SIAH3: variants seen among roughly 807,000 people sequenced by gnomAD.
SIAH3 encodes the protein seven in absentia homolog 3.
Under a neutral mutation model 12.6 loss-of-function variants are expected in SIAH3, and 9 were observed. The ratio of observed to expected loss-of-function variants is 0.72; its 90% CI spans 0.43 to 1.25. The LOEUF (loss-of-function observed/expected upper bound fraction) is 1.25, where lower values mean the gene tolerates loss of function less well. SIAH3 is among the 50% of genes most tolerant of loss of function. The probability of loss-of-function intolerance (pLI) is 0.00; values close to 1 mark genes in which losing one functional copy is unlikely to be tolerated. For missense variants in SIAH3, 390 were observed against 365.4 expected (o/e 1.07, Z -0.55); for synonymous variants, 154 against 151.1 (o/e 1.02, Z -0.14).
At chr13:45,839,091 T>TA (rs752703227) in intron 1 of SIAH3, among the ~76,000 whole-genome samples, 1 of 152,118 alleles carries the variant, frequency 6.6e-6, no homozygotes, top group Non-Finnish European at 1.5e-5. Flanking sequence ...AATTTAGTTA[T>TA]AGAGTATGGC....
At chr13:45,826,389 A>T (rs370440755) in intron 1 of SIAH3, among the ~76,000 whole-genome samples, 53,361 of 75,100 alleles carry the variant, frequency 0.71, 25,079 homozygotes, top group Non-Finnish European at 0.79. Context: ...GAATGGATGG[A>T]TGGATGGATG....
intron 1 of SIAH3, among the ~76,000 whole-genome samples, chr13:45,844,662 T>C (rs780415090): frequency 1.8e-4 from 28 of 152,208 alleles, no homozygotes; most frequent in Non-Finnish European, 3.4e-4. Context: ...ACATATCTTA[T>C]TGGTTCTAGC....
intron 1 of SIAH3, among the ~76,000 whole-genome samples, chr13:45,795,944 TG>T (rs1950561079): frequency 2.7e-5 from 1 of 37,308 alleles, no homozygotes; most frequent in African/African-American, 1.8e-4. Flanking sequence ...CTCAAAAACA[TG>T]TTGAATTTTT....
At chr13:45,822,183 G>C (rs1027041231) in intron 1 of SIAH3, among the ~76,000 whole-genome samples, 1 of 152,062 alleles carries the variant, frequency 6.6e-6, no homozygotes. Context: ...AAGACACTGG[G>C]GTCTCAATGC....
At chr13:45,826,471 G>GAGTGGGTGGGTA (rs1950677442) in intron 1 of SIAH3, among the ~76,000 whole-genome samples, 1 of 136,798 alleles carries the variant, frequency 7.3e-6, no homozygotes, top group Non-Finnish European at 1.6e-5. Context: ...ATGGATGGAT[G>GAGTGGGTGGGTA]GATGGATGGA....
intron 1 of SIAH3, among the ~76,000 whole-genome samples, chr13:45,817,941 C>G (rs1950640227): frequency 6.6e-6 from 1 of 152,146 alleles, no homozygotes; most frequent in Admixed American, 6.5e-5. Context: ...TGCCTGTTAT[C>G]TACGTTGCAG....
chr13:45,839,709 G>A (rs533493777), intron 1 of SIAH3, among the ~76,000 whole-genome samples: 2 of 152,134 alleles, frequency 1.3e-5, no homozygotes, highest in African/African-American at 2.4e-5. Context: ...GTACCTGCCT[G>A]TAATCCCAGC....
chr13:45,789,879 A>G (rs1950540580), intron 1 of SIAH3, among the ~76,000 whole-genome samples: 1 of 152,180 alleles, frequency 6.6e-6, no homozygotes, highest in Admixed American at 6.5e-5. Flanking sequence ...GCTGCTAGTT[A>G]ACACTTCCAC....
chr13:45,826,437 A>ATGAGTGGG (rs1950676633), intron 1 of SIAH3, among the ~76,000 whole-genome samples: 2 of 28,624 alleles, frequency 7.0e-5, no homozygotes, highest in African/African-American at 2.4e-4. Context: ...GGATGAATGG[A>ATGAGTGGG]TGCATGGATG....
At chr13:45,795,131 A>G (rs1440069199) in intron 1 of SIAH3, among the ~76,000 whole-genome samples, 5 of 152,172 alleles carry the variant, frequency 3.3e-5, no homozygotes, top group Admixed American at 2.6e-4. Context: ...ATTTATTCCA[A>G]ACATGACTCA....
intron 1 of SIAH3, among the ~76,000 whole-genome samples, chr13:45,796,055 A>T (rs888928939): frequency 3.9e-5 from 6 of 152,334 alleles, no homozygotes; most frequent in Non-Finnish European, 8.8e-5. Flanking sequence ...AACAGTGGTT[A>T]TCTTTGTGTG....
chr13:45,845,744 G>T (rs1382077286), intron 1 of SIAH3, among the ~76,000 whole-genome samples: 1 of 151,810 alleles, frequency 6.6e-6, no homozygotes, highest in Non-Finnish European at 1.5e-5. Flanking sequence ...TATATTTTTG[G>T]GACTTTCATC....
At chr13:45,846,177 C>A (rs1950759604) in intron 1 of SIAH3, among the ~76,000 whole-genome samples, 1 of 143,022 alleles carries the variant, frequency 7.0e-6, no homozygotes, top group Admixed American at 7.6e-5. Flanking sequence ...GCAACGTCTG[C>A]CTCCCGGGTT....
At chr13:45,849,732 A>G (rs930276565) in intron 1 of SIAH3, among the ~76,000 whole-genome samples, 1 of 152,240 alleles carries the variant, frequency 6.6e-6, no homozygotes, top group East Asian at 1.9e-4. Context: ...CCCTCACTCC[A>G]CACAGAGACC....
chr13:45,801,347 G>A (rs558086957), intron 1 of SIAH3, among the ~76,000 whole-genome samples: 3 of 152,294 alleles, frequency 2.0e-5, no homozygotes, highest in African/African-American at 7.2e-5. Context: ...GGAAGACAGA[G>A]GACATCCCTG....
intron 1 of SIAH3, among the ~76,000 whole-genome samples, chr13:45,837,477 A>G (rs1204967133): frequency 6.6e-6 from 1 of 151,904 alleles, no homozygotes; most frequent in Non-Finnish European, 1.5e-5. Context: ...AAGGAGAGAG[A>G]AAGAGAGGGA....
chr13:45,784,030 G>T lies in SIAH3; in HGVS notation c.163C>A (p.Gln55Lys). 6.3e-7 allele frequency: 1 copy of T among 1,598,140 alleles called. No homozygotes were observed. The highest frequency in any genetic ancestry group is 2.2e-5 in the East Asian group (1 of 44,866). ...KYVSSRRAVT[Q>K]SAPEQGSFHP... ...AAGCTGCCTTGCTCTGGAGCGCTCT[G>T]AGTGACGGCGCGCCGACTGGACACA... is the stretch of plus-strand genomic sequence containing the variant. The change falls in exon 2 of 2, where the codon CAG (glutamine) becomes AAG (lysine). Residue 55 changes from glutamine to lysine, a missense_variant. Transcript: ENST00000400405.
In SIAH3 at chr13:45,851,500, G is replaced by A. The variant is rs760913115; in HGVS notation, c.130C>T (p.Leu44=). Residue 44 remains leucine (L), a synonymous_variant, in exon 1 of 2, where the codon CTA becomes TTA. Transcript: ENST00000400405. ...LVCVVNPTHN[L]KYVSSRRAVT... The stretch of plus-strand genomic sequence containing the variant: ...AAAATGACACAGAGACTCACCTTTA[G>A]GTTGTGTGTGGGGTTGACGACACAG... 2 of 1,614,130 alleles carry A rather than the reference G, an allele frequency of 1.2e-6. No individual in the cohort carries two copies. Among genetic ancestry groups the A allele is most frequent in the East Asian group, 2.2e-5 (1 of 44,880 alleles).
intron 1 of SIAH3, among the ~76,000 whole-genome samples, chr13:45,850,199 C>T (rs1950775007): frequency 6.6e-6 from 1 of 152,146 alleles, no homozygotes; most frequent in Admixed American, 6.5e-5. Context: ...GTCCATCGCC[C>T]CTCCCCCAGG....
Sources: gnomAD v4.1 joint callset for allele counts (sites outside exome capture counted in the v4.1 genomes callset) on GRCh38, gnomAD v4.1.1 for gene constraint, MANE v1.5 for transcripts, NCBI Gene and HGNC (gene_info 2026-07-23, HGNC 2026-07-21) for gene names.